IGSF21: variants seen among roughly 807,000 people sequenced by gnomAD.
The protein encoded by IGSF21 is immunoglobulin superfamily member 21.
A neutral mutation model predicts 46.8 loss-of-function variants in IGSF21; 28 were observed. The observed-to-expected ratio is 0.60, with a 90% CI of 0.44 to 0.82. The LOEUF (loss-of-function observed/expected upper bound fraction) is 0.82, where lower values mean the gene tolerates loss of function less well. Ranked by LOEUF, IGSF21 falls within the 40% of genes least tolerant of loss-of-function variation. The pLI, the probability that IGSF21 is intolerant of heterozygous loss-of-function variation, is 0.00. For synonymous variants in IGSF21, 284 were observed against 273.6 expected (o/e 1.04, Z -0.38); for missense variants, 624 against 665.5 (o/e 0.94, Z 0.69).
intron 2 of IGSF21, among the ~76,000 whole-genome samples, chr1:18,273,888 G>A (rs1011095735): frequency 1.3e-5 from 2 of 152,062 alleles, no homozygotes; most frequent in South Asian, 2.1e-4. Context: ...GGACCCCAGT[G>A]CCTAAGTCTA....
At chr1:18,208,590 G>T (rs2084358719) in intron 1 of IGSF21, among the ~76,000 whole-genome samples, 1 of 134,878 alleles carries the variant, frequency 7.4e-6, no homozygotes, top group African/African-American at 2.8e-5. Flanking sequence ...GTAGAGACCG[G>T]GTTTCTCCAT....
At chr1:18,304,812 G>A (rs143602389) in intron 3 of IGSF21, among the ~76,000 whole-genome samples, 357 of 152,056 alleles carry the variant, frequency 2.3e-3, no homozygotes, top group African/African-American at 8.1e-3. Context: ...TACTAATTAT[G>A]CAAGTGCTTT....
intron 1 of IGSF21, among the ~76,000 whole-genome samples, chr1:18,132,349 T>C (rs1328933857): frequency 1.3e-5 from 2 of 152,230 alleles, no homozygotes; most frequent in Non-Finnish European, 2.9e-5. Flanking sequence ...CCTGTGGGCA[T>C]AGGGCCCTGC....
intron 1 of IGSF21, among the ~76,000 whole-genome samples, chr1:18,175,431 A>G (rs1049615800): frequency 3.3e-5 from 5 of 152,300 alleles, no homozygotes; most frequent in African/African-American, 1.2e-4. Flanking sequence ...CCGGGAGGAA[A>G]CGAGAAAGAG....
chr1:18,362,494 C>T (rs544694914), intron 5 of IGSF21, among the ~76,000 whole-genome samples: 1 of 152,306 alleles, frequency 6.6e-6, no homozygotes, highest in Admixed American at 6.5e-5. Context: ...GCAGGAGCAG[C>T]CTTTCGGGGA....
intron 2 of IGSF21, among the ~76,000 whole-genome samples, chr1:18,282,176 GGACTGTGTATCCGGTTGTGGTTCCT>G (rs575823848): frequency 0.011 from 1,734 of 152,210 alleles, 13 homozygotes; most frequent in Non-Finnish European, 0.019. Context: ...TGGGGGTTCC[GGACTGTGTATCCGGTTGTGGTTCCT>G]GACCCCTGTG....
chr1:18,314,533 A>AACTC, intron 3 of IGSF21, among the ~76,000 whole-genome samples: 1 of 152,294 alleles, frequency 6.6e-6, no homozygotes. Context: ...CCTCTACAGG[A>AACTC]ACTCACTTAA....
chr1:18,168,976 A>G (rs899851009), intron 1 of IGSF21, among the ~76,000 whole-genome samples: 15 of 152,216 alleles, frequency 9.9e-5, no homozygotes, highest in African/African-American at 3.6e-4. Context: ...CTTTGAAATC[A>G]GGAGTAGGGG....
intron 1 of IGSF21, among the ~76,000 whole-genome samples, chr1:18,198,757 T>C (rs1008382289): frequency 1.3e-5 from 2 of 152,196 alleles, no homozygotes; most frequent in African/African-American, 2.4e-5. Context: ...GGTCATCCGA[T>C]GGCAGAGTGA....
intron 1 of IGSF21, among the ~76,000 whole-genome samples, chr1:18,225,085 T>TCTCTCTCTCTCTCACACA: frequency 3.2e-3 from 163 of 51,598 alleles, no homozygotes; most frequent in East Asian, 9.9e-3. Flanking sequence ...TCTCTCTCTC[T>TCTCTCTCTCTCTCACACA]CACACACACA....
At chr1:18,192,048 C>T (rs978578268) in intron 1 of IGSF21, among the ~76,000 whole-genome samples, 1 of 152,192 alleles carries the variant, frequency 6.6e-6, no homozygotes. Context: ...CTGTCTCCCC[C>T]ACCAGGCTTC....
chr1:18,337,824 G>A lies in IGSF21; in HGVS notation c.424+2814G>A, dbSNP rs760551557. 1.2e-4 allele frequency among the ~76,000 whole-genome samples: 18 copies of A among 152,254 alleles called. No individual in the cohort carries two copies. The highest frequency in any genetic ancestry group is 3.9e-4 in the East Asian group (2 of 5,164). ...CATCCAATCCTCACTGCAGATCGGCGCGTGGGGGATTACTATTATCTCTAA... is the reference window on the plus strand; with the variant it reads ...CATCCAATCCTCACTGCAGATCGGCACGTGGGGGATTACTATTATCTCTAA... On this transcript the variant is annotated intron_variant, in intron 4 of 9. Transcript: ENST00000251296. The surrounding 1 kb of genome is among the most constrained non-coding windows in gnomAD (Gnocchi z 5.7).
chr1:18,202,460 C>A (rs1267203896), intron 1 of IGSF21, among the ~76,000 whole-genome samples: 1 of 152,166 alleles, frequency 6.6e-6, no homozygotes, highest in Non-Finnish European at 1.5e-5. Flanking sequence ...GTAACTTATA[C>A]AGGGAAGAAG....
At chr1:18,374,867 G>T (rs7556114) in intron 6 of IGSF21, among the ~76,000 whole-genome samples, 32,926 of 152,050 alleles carry the variant, frequency 0.22, 4,241 homozygotes, top group Non-Finnish European at 0.29. Flanking sequence ...ACCCTTAGAA[G>T]ATGTTTACAC....
intron 1 of IGSF21, among the ~76,000 whole-genome samples, chr1:18,150,728 G>T (rs1371653491): frequency 3.9e-5 from 6 of 152,236 alleles, no homozygotes; most frequent in Non-Finnish European, 8.8e-5. Context: ...AGTCAGTGCA[G>T]TGTCCTCCGT....
intron 1 of IGSF21, among the ~76,000 whole-genome samples, chr1:18,199,418 C>A (rs144204601): frequency 6.6e-6 from 1 of 152,182 alleles, no homozygotes; most frequent in African/African-American, 2.4e-5. Context: ...ATTACAACAA[C>A]GGCTACTGTG....
At position 18,376,184 on chromosome 1, in the gene IGSF21, C is replaced by G. The variant is rs1472774267; in HGVS notation, c.1016-126C>G. 2.6e-5 allele frequency: 19 copies of G among 740,860 alleles called. No homozygotes were observed. The South Asian group carries it at 2.8e-4, about 11-fold the overall frequency. 45.9% of individuals were successfully genotyped at this position (740,860 alleles called of 1,614,324 possible). On this transcript the variant is annotated intron_variant, in intron 6 of 9. Coordinates refer to ENST00000251296, the MANE Select transcript of IGSF21 (RefSeq NM_032880.5). ...GTGAATGAGTGAATGAATGAATGAG[C>G]ACACTGAGCTTCTCACAGAAGCAGC...
intron 2 of IGSF21, among the ~76,000 whole-genome samples, chr1:18,267,826 C>T (rs113873852): frequency 6.6e-4 from 101 of 152,362 alleles, no homozygotes; most frequent in African/African-American, 2.3e-3. Flanking sequence ...TGGGCCACCA[C>T]CTCTTTCATA....
At chr1:18,147,894 C>T (rs752993300) in intron 1 of IGSF21, among the ~76,000 whole-genome samples, 32 of 152,004 alleles carry the variant, frequency 2.1e-4, no homozygotes, top group Non-Finnish European at 4.7e-4. Context: ...GTAATTGAAT[C>T]GTGGGGGTGG....
Sources: allele counts gnomAD v4.1 joint callset (sites outside exome capture counted in the v4.1 genomes callset), GRCh38; gene constraint gnomAD v4.1.1; non-coding constraint Gnocchi (gnomAD v3.1); transcripts MANE v1.5; gene names NCBI Gene and HGNC (gene_info 2026-07-23, HGNC 2026-07-21).